The following KY variants were observed in gnomAD, a reference collection of about 807,000 sequenced individuals.
KY encodes kyphoscoliosis peptidase.
In KY, 43 loss-of-function variants were observed where a neutral mutation model predicts 76.1. That is an observed-to-expected ratio of 0.57 (90% CI 0.44 to 0.73). The LOEUF (loss-of-function observed/expected upper bound fraction) is 0.73. KY is among the 30% of genes least tolerant of loss of function. The pLI is 0.00. For synonymous variants in KY, 277 were observed against 326.2 expected, an observed-to-expected ratio of 0.85 and a Z score of 1.63; for missense variants, 722 against 828.9, an observed-to-expected ratio of 0.87 and a Z score of 1.58.
intron 8 of KY, among the ~76,000 whole-genome samples, chr3:134,611,004 G>A (rs367997488): frequency 6.6e-6 from 1 of 152,224 alleles, no homozygotes; most frequent in South Asian, 2.1e-4. Flanking sequence ...CCCTGGCCCA[G>A]GGAGGACTGG....
intron 10 of KY, chr3:134,608,111 C>T (rs1335896517): frequency 8.9e-7 from 1 of 1,128,580 alleles, no homozygotes; most frequent in Non-Finnish European, 1.1e-6. Flanking sequence ...TGTTGCTCCC[C>T]ATCCTTGCTG....
intron 3 of KY, among the ~76,000 whole-genome samples, chr3:134,635,405 G>A (rs1296803374): frequency 6.8e-6 from 1 of 147,632 alleles, no homozygotes; most frequent in Non-Finnish European, 1.5e-5. Context: ...GCTGAGGCAG[G>A]AGAATCGCTT....
At chr3:134,642,721 G>A (rs952843197) in intron 3 of KY, among the ~76,000 whole-genome samples, 8 of 152,230 alleles carry the variant, frequency 5.3e-5, no homozygotes, top group African/African-American at 1.7e-4. Context: ...ACAAGGGAGG[G>A]CTTGGATGCC....
chr3:134,650,736 A>T, intron 1 of KY, 89 bp downstream of exon 1: 1 of 1,226,580 alleles, frequency 8.2e-7, no homozygotes, highest in South Asian at 1.6e-5. Context: ...CGTTCGGGGG[A>T]GCAATGGGCG....
At chr3:134,643,771 G>A (rs1966072924) in intron 2 of KY, among the ~76,000 whole-genome samples, 1 of 151,834 alleles carries the variant, frequency 6.6e-6, no homozygotes, top group South Asian at 2.1e-4. Context: ...CAGGCTGGGA[G>A]GTTCTGACCT....
chr3:134,608,507 A>G, intron 10 of KY, 142 bp downstream of exon 10: 2 of 1,564,540 alleles, frequency 1.3e-6, no homozygotes, highest in Non-Finnish European at 1.7e-6. Flanking sequence ...ATCCACATGC[A>G]CACACAAGCT....
At chr3:134,607,546 C>T (rs1203724176) in intron 10 of KY, 1 of 985,554 alleles carries the variant, frequency 1.0e-6, no homozygotes, top group Non-Finnish European at 1.2e-6. Context: ...GCTGGACTGA[C>T]CCGACTTACA....
intron 1 of KY, among the ~76,000 whole-genome samples, chr3:134,648,944 TTGCACCCA>T (rs1966760796): frequency 6.6e-6 from 1 of 152,152 alleles, no homozygotes; most frequent in Non-Finnish European, 1.5e-5. Context: ...GTTTTATATC[TTGCACCCA>T]TGGGAGGCTT....
At chr3:134,607,670 T>G (rs1959447090) in intron 10 of KY, 1 of 985,680 alleles carries the variant, frequency 1.0e-6, no homozygotes, top group Non-Finnish European at 1.2e-6. Context: ...TGACCAGTTC[T>G]GGCCCTCCAG....
In KY at chr3:134,603,780, G is replaced by A; in HGVS notation, c.1785C>T (p.Val595=). ...LSGVLPANRN[V]PFKLKLHGIA... ...TACCATGCAGCTTCAATTTGAATGG[G>A]ACATTCCGGTTGGCAGGAAGCACAC... Residue 595 remains valine, a synonymous_variant, in exon 11 of 11, where the codon GTC becomes GTT. Coordinates refer to ENST00000423778, the MANE Select transcript of KY (RefSeq NM_178554.6). 1 of 1,613,266 alleles carries A rather than the reference G, an allele frequency of 6.2e-7. No individual in the cohort carries two copies. Among genetic ancestry groups the A allele is most frequent in the Non-Finnish European group, 8.5e-7 (1 of 1,179,386 alleles).
chr3:134,616,671 C>G (rs1365835975), intron 8 of KY, among the ~76,000 whole-genome samples: 1 of 152,160 alleles, frequency 6.6e-6, no homozygotes, highest in African/African-American at 2.4e-5. Context: ...TAATGATAAG[C>G]TGCAGGCCAG....
intron 3 of KY, among the ~76,000 whole-genome samples, chr3:134,636,639 G>A (rs1368981505): frequency 6.6e-6 from 1 of 152,206 alleles, no homozygotes. Context: ...CCCAAGATCA[G>A]CTGGGTGTGG....
rs573942664 is a variant in KY, at chr3:134,625,952, T to C, written c.401-817A>G. On this transcript the variant is annotated intron_variant, in intron 5 of 10. Coordinates refer to ENST00000423778, the MANE Select transcript of KY (RefSeq NM_178554.6). Reference sequence around the variant, plus strand: ...AATCATGCAAGCTTCCCACTGGACATAGGAGAGCCATAATCAGCTATTGCT... The same window carrying C: ...AATCATGCAAGCTTCCCACTGGACACAGGAGAGCCATAATCAGCTATTGCT... Among the ~76,000 whole-genome samples the C allele has an allele frequency of 1.5e-3, 227 of 152,376 alleles. 2 individuals carry two copies. Among genetic ancestry groups the C allele is most frequent in the Non-Finnish European group, 2.0e-3 (136 of 68,038 alleles).
intron 10 of KY, chr3:134,607,923 G>A (rs1350569154): frequency 1.0e-6 from 1 of 991,842 alleles, no homozygotes; most frequent in African/African-American, 1.7e-5. Flanking sequence ...TGAGTTTGGA[G>A]GCTGGGGGCT....
Position 134,619,216 on chromosome 3 carries a change from G to A in KY, c.642C>T (p.Pro214=), listed in dbSNP as rs1284039693. ...TCTTCTGGGTCCGCAGGATGTCAGT[G>A]GGTTTGAAGGCTTGGCGGTCCTTCT... ...AQEKDRQAFK[P]TDILRTQKTN... Residue 214 remains proline (P), a synonymous_variant, in exon 8 of 11, where the codon CCC becomes CCT. Coordinates refer to ENST00000423778, the MANE Select transcript of KY (RefSeq NM_178554.6). The A allele has an allele frequency of 1.2e-6, 2 of 1,613,976 alleles. No individual in the cohort carries two copies. The highest frequency in any genetic ancestry group is 1.7e-5 in the Admixed American group (1 of 60,018).
chr3:134,646,387 C>G (rs530586713), intron 2 of KY, among the ~76,000 whole-genome samples: 2 of 152,108 alleles, frequency 1.3e-5, no homozygotes, highest in Non-Finnish European at 2.9e-5. Flanking sequence ...CACAGGAAGA[C>G]TCTTCAACTC....
At chr3:134,649,886 T>C (rs1228774245) in intron 1 of KY, among the ~76,000 whole-genome samples, 6 of 152,104 alleles carry the variant, frequency 3.9e-5, no homozygotes, top group Non-Finnish European at 5.9e-5. Flanking sequence ...TCCAAGGAGC[T>C]CCAGAGCTGG....
intron 6 of KY, among the ~76,000 whole-genome samples, chr3:134,623,640 A>C (rs1577686843): frequency 1.5e-5 from 2 of 135,418 alleles, no homozygotes; most frequent in African/African-American, 5.7e-5. Flanking sequence ...TCTTCTCCTC[A>C]CTCCCCACTA....
chr3:134,609,897 C>T (rs1227070923), intron 9 of KY, among the ~76,000 whole-genome samples: 3 of 152,188 alleles, frequency 2.0e-5, no homozygotes, highest in African/African-American at 4.8e-5. Context: ...GCTATTAGCC[C>T]ACCTTTCCTC....
Sources: gnomAD v4.1 joint callset for allele counts (sites outside exome capture counted in the v4.1 genomes callset) on GRCh38, gnomAD v4.1.1 for gene constraint, MANE v1.5 for transcripts, NCBI Gene and HGNC (gene_info 2026-07-23, HGNC 2026-07-21) for gene names.